GCN1: variants seen among roughly 807,000 people sequenced by gnomAD.
GCN1 encodes GCN1 activator of EIF2AK4.
A neutral mutation model predicts 288.4 loss-of-function variants in GCN1; 90 were observed. The ratio of observed to expected loss-of-function variants is 0.31; its 90% CI spans 0.26 to 0.37. The LOEUF is 0.37. Ranked by LOEUF, GCN1 falls within the 10% of genes least tolerant of loss-of-function variation. The pLI is 1.00. For missense variants in GCN1, 2,586 were observed against 3,419.9 expected, an observed-to-expected ratio of 0.76 and a Z score of 6.08; for synonymous variants, 1,386 against 1,420.2, an observed-to-expected ratio of 0.98 and a Z score of 0.54.
chr12:120,186,852 T>A (rs139793275), intron 2 of GCN1, among the ~76,000 whole-genome samples: 395 of 152,276 alleles, frequency 2.6e-3, no homozygotes, highest in African/African-American at 8.2e-3. Flanking sequence ...AGAGGTGAAG[T>A]AACTTGAAGC....
intron 16 of GCN1, among the ~76,000 whole-genome samples, chr12:120,166,012 G>A (rs1214802588): frequency 6.6e-6 from 1 of 151,776 alleles, no homozygotes; most frequent in Non-Finnish European, 1.5e-5. Flanking sequence ...GGATAGTCTC[G>A]ATCTCGACCT....
intron 16 of GCN1, among the ~76,000 whole-genome samples, chr12:120,166,737 A>G (rs1726824003): frequency 6.6e-6 from 1 of 151,090 alleles, no homozygotes; most frequent in Non-Finnish European, 1.5e-5. Flanking sequence ...AAGGCCAGGC[A>G]CGATGGCTCA....
At position 120,153,386 on chromosome 12, in the gene GCN1, G is replaced by A. The variant is rs1877632672; in HGVS notation, c.3889C>T (p.Pro1297Ser). The A allele has an allele frequency of 6.2e-7, 1 of 1,614,078 alleles. No homozygotes were observed. Among genetic ancestry groups the A allele is most frequent in the South Asian group, 1.1e-5 (1 of 91,076 alleles). Residue 1297 changes from proline to serine, a missense_variant, in exon 33 of 58, where the codon CCA (proline) becomes TCA (serine). Around this residue, in one of 8 missense-constraint regions of GCN1, gnomAD observed 332 missense variants for 403.0 expected, o/e 0.82. Transcript: ENST00000300648. This position sits in a 1 kb window ranked among gnomAD's most constrained non-coding sequence, Gnocchi z 4.4. ...TTCTTCAGGAACTCCTCGAATACTG[G>A]CAACAGCGAGTTGACGTTCTCCTGG... The part of the protein sequence containing the change: ...HGKENVNSLL[P>S]VFEEFLKNAP...
chr12:120,188,408 TG>T (rs1340757496), intron 2 of GCN1, among the ~76,000 whole-genome samples: 1 of 131,202 alleles, frequency 7.6e-6, no homozygotes, highest in African/African-American at 2.9e-5. Flanking sequence ...CACTCCAGCC[TG>T]GGTGACAGAG....
At chr12:120,132,226 C>T (rs1566296427) in intron 53 of GCN1, among the ~76,000 whole-genome samples, 1 of 152,248 alleles carries the variant, frequency 6.6e-6, no homozygotes, top group Non-Finnish European at 1.5e-5. Context: ...TTAAACATTA[C>T]ACAGCCAGCA....
In GCN1 at chr12:120,155,742, G is replaced by A. The variant is rs772714672; in HGVS notation, c.3313-23C>T. ...CCCCTGGAAGGGGTGGGATTGGACC[G>A]TGTGAGGCATCATCTTTCAGAAGAG... On this transcript the variant is annotated intron_variant, in intron 28 of 57. Transcript: ENST00000300648. This position sits in a 1 kb window ranked among gnomAD's most constrained non-coding sequence, Gnocchi z 4.9. The A allele has an allele frequency of 9.3e-6, 15 of 1,612,806 alleles. No individual in the cohort carries two copies. Among genetic ancestry groups the A allele is most frequent in the South Asian group, 6.6e-5 (6 of 91,012 alleles).
chr12:120,136,107 AT>A (rs1454373689), intron 51 of GCN1, among the ~76,000 whole-genome samples: 1 of 152,164 alleles, frequency 6.6e-6, no homozygotes, highest in Non-Finnish European at 1.5e-5. Flanking sequence ...GTGGTCCTGA[AT>A]TTTTTCCTTT....
chr12:120,142,680 A>G lies in GCN1; in HGVS notation c.5656T>C (p.Leu1886=), dbSNP rs765378720. 1.2e-6 allele frequency: 2 copies of G among 1,614,066 alleles called. No homozygotes were observed. Among genetic ancestry groups the G allele is most frequent in the Admixed American group, 3.3e-5 (2 of 60,022 alleles). Residue 1886 remains leucine, a synonymous_variant, in exon 44 of 58, where the codon TTG becomes CTG. Coordinates refer to ENST00000300648, the MANE Select transcript of GCN1 (RefSeq NM_006836.2). The surrounding 1 kb of genome is among the most constrained non-coding windows in gnomAD (Gnocchi z 4.9). The part of the protein sequence containing the change: ...ALGVERRNRV[L]AGLYMGRSDT... Reference sequence around the variant, plus strand: ...GAGCGGCCCATGTACAGCCCTGCCAACACCCGGTTCCGCCGCTCTACCCCC... The same window carrying G: ...GAGCGGCCCATGTACAGCCCTGCCAGCACCCGGTTCCGCCGCTCTACCCCC...
At chr12:120,173,921 G>A (rs950521443) in intron 13 of GCN1, 95 bp from the exon 14 acceptor site, 8 of 1,136,960 alleles carry the variant, frequency 7.0e-6, no homozygotes, top group South Asian at 2.7e-5. Context: ...GTACAAGCGG[G>A]AGGAAGCAGT....
intron 50 of GCN1, 108 bp from the exon 51 acceptor site, chr12:120,136,840 G>C (rs1296185823): frequency 2.7e-6 from 2 of 748,474 alleles, no homozygotes; most frequent in African/African-American, 3.5e-5. Flanking sequence ...AACTCCATGG[G>C]AGATATTGAT....
intron 33 of GCN1, among the ~76,000 whole-genome samples, chr12:120,152,768 C>T (rs894814665): frequency 2.0e-5 from 3 of 151,586 alleles, no homozygotes; most frequent in African/African-American, 2.4e-5. Flanking sequence ...TACATTAAAA[C>T]GCACCTGTAA....
rs938704407 is a variant in GCN1, at chr12:120,158,912, T to C, written c.2750-297A>G. Among the ~76,000 whole-genome samples the C allele has an allele frequency of 3.3e-5, 5 of 149,418 alleles. No homozygotes were observed. The highest frequency in any genetic ancestry group is 1.2e-4 in the African/African-American group (5 of 40,464). Reference sequence around the variant, plus strand: ...CTGTAGTCCCAGCTACTCAGGAGGCTCAAGAAGGAGAATGGCATGAACCCG... The same window carrying C: ...CTGTAGTCCCAGCTACTCAGGAGGCCCAAGAAGGAGAATGGCATGAACCCG... On this transcript the variant is annotated intron_variant, in intron 24 of 57. Transcript: ENST00000300648. This position sits in a 1 kb window ranked among gnomAD's most constrained non-coding sequence, Gnocchi z 4.3.
chr12:120,193,259 A>C (rs1879064088), intron 1 of GCN1, among the ~76,000 whole-genome samples: 2 of 152,228 alleles, frequency 1.3e-5, no homozygotes, highest in Non-Finnish European at 2.9e-5. Flanking sequence ...CACTGGCTAC[A>C]TGTGGCTAAC....
intron 15 of GCN1, 45 bp downstream of exon 15, chr12:120,170,124 C>A: frequency 1.3e-6 from 2 of 1,566,418 alleles, no homozygotes; most frequent in South Asian, 2.2e-5. Flanking sequence ...GGACTCTTGT[C>A]AGAGGCCCCT....
chr12:120,167,860 T>A (rs1288799508), intron 16 of GCN1, among the ~76,000 whole-genome samples: 1 of 152,140 alleles, frequency 6.6e-6, no homozygotes, highest in Non-Finnish European at 1.5e-5. Context: ...TTTGTGTCTC[T>A]TGGTGGGGGA....
chr12:120,188,907 C>T (rs1295321547), intron 2 of GCN1, among the ~76,000 whole-genome samples: 1 of 151,644 alleles, frequency 6.6e-6, no homozygotes, highest in Non-Finnish European at 1.5e-5. Flanking sequence ...TTTTAGCTAT[C>T]TTTTTTAAAT....
chr12:120,133,540 G>A (rs1876899435), intron 53 of GCN1, among the ~76,000 whole-genome samples: 1 of 152,094 alleles, frequency 6.6e-6, no homozygotes, highest in Admixed American at 6.5e-5. Context: ...GACACACCCT[G>A]GAGACCATTT....
chr12:120,192,421 T>A (rs1196958677), intron 1 of GCN1, among the ~76,000 whole-genome samples: 5 of 152,220 alleles, frequency 3.3e-5, no homozygotes, highest in Non-Finnish European at 7.3e-5. Flanking sequence ...GTTGAAATCA[T>A]TTTCCTTTAG....
intron 31 of GCN1, 137 bp from the exon 32 acceptor site, chr12:120,154,046 G>T: frequency 1.5e-6 from 1 of 673,328 alleles, no homozygotes; most frequent in African/African-American, 1.8e-5. Context: ...ACAGCCTGAA[G>T]CCCACCACCC....
Sources: gnomAD v4.1 joint callset for allele counts (sites outside exome capture counted in the v4.1 genomes callset) on GRCh38, gnomAD v4.1.1 for gene constraint, gnomAD v4.1.1 regional missense constraint, Gnocchi (gnomAD v3.1) non-coding constraint, MANE v1.5 for transcripts, NCBI Gene and HGNC (gene_info 2026-07-23, HGNC 2026-07-21) for gene names.